The following NUP98 variants were observed in gnomAD, a reference collection of about 807,000 sequenced individuals.
The protein encoded by NUP98 is nucleoporin 98 and 96 precursor.
In NUP98, 26 loss-of-function variants were observed where a neutral mutation model predicts 191.9. The observed-to-expected ratio is 0.14, with a 90% CI of 0.10 to 0.19. NUP98 has a LOEUF of 0.19. NUP98 is among the 10% of genes least tolerant of loss of function. The pLI, the probability that NUP98 is intolerant of heterozygous loss-of-function variation, is 1.00. For synonymous variants in NUP98, 808 were observed against 778.4 expected, an observed-to-expected ratio of 1.04 and a Z score of -0.63; for missense variants, 1,941 against 2,178.8, an observed-to-expected ratio of 0.89 and a Z score of 2.17.
Position 3,739,881 on chromosome 11 carries a change from A to G in NUP98, c.1409-4557T>C, listed in dbSNP as rs143642682. Among the ~76,000 whole-genome samples, 37 of 152,238 alleles carry G rather than the reference A, an allele frequency of 2.4e-4. No homozygotes were observed. In the East Asian group the frequency reaches 6.9e-3, roughly 29 times the overall value. On this transcript the variant is annotated intron_variant, in intron 12 of 32. Coordinates refer to ENST00000324932, the MANE Select transcript of NUP98 (RefSeq NM_016320.5). ...TTATGTGTGGATTTCCTCCTCTGCC[A>G]CCCCTGAGAGAGCAAGACCAACACC...
Position 3,705,463 on chromosome 11 carries a change from T to C in NUP98, c.2926-107A>G, listed in dbSNP as rs976978693. On this transcript the variant is annotated intron_variant, in intron 21 of 32. Transcript: ENST00000324932. Reference sequence around the variant, plus strand: ...CAAAAATATTGTTCCTCCTCAAGGCTGTGTACAGAGCTAGTATATTTGTGT... The same window carrying C: ...CAAAAATATTGTTCCTCCTCAAGGCCGTGTACAGAGCTAGTATATTTGTGT... 11 of 1,053,156 alleles carry C rather than the reference T, an allele frequency of 1.0e-5. No individual in the cohort carries two copies. In the African/African-American group the frequency reaches 1.7e-4, roughly 17 times the overall value. The allele number at this position is 1,053,156 out of a possible 1,614,324, so 65.2% of individuals were successfully genotyped here.
intron 11 of NUP98, among the ~76,000 whole-genome samples, 180 bp downstream of exon 11, chr11:3,753,136 A>G (rs1322596811): frequency 1.3e-5 from 2 of 152,222 alleles, no homozygotes; most frequent in Non-Finnish European, 2.9e-5. Flanking sequence ...TAACACAAAC[A>G]TGCCAATATT....
chr11:3,748,090 G>T (rs1048927112), intron 11 of NUP98, among the ~76,000 whole-genome samples: 6 of 152,186 alleles, frequency 3.9e-5, no homozygotes, highest in Admixed American at 6.5e-5. Flanking sequence ...TTTGTTTATT[G>T]TGAGAGAGAA....
At chr11:3,696,467 ACTCCAGCCTGGGTGACAGACCAAGACT>A (rs1365230592) in intron 25 of NUP98, among the ~76,000 whole-genome samples, 1 of 151,722 alleles carries the variant, frequency 6.6e-6, no homozygotes, top group Non-Finnish European at 1.5e-5. Flanking sequence ...GCACTACTGC[ACTCCAGCCTGGGTGACAGACCAAGACT>A]CTGTCTTGGT....
rs1303562138 is a variant in NUP98 at position 3,786,631 on chromosome 11, C to T, written c.-28-4486G>A. ...TAGCCTTATAATACACCCAGTAGTCCAATCAATGGACAGACATATATTCTG... is the reference window on the plus strand; with the variant it reads ...TAGCCTTATAATACACCCAGTAGTCTAATCAATGGACAGACATATATTCTG... On this transcript the variant is annotated intron_variant, in intron 1 of 32. Transcript: ENST00000324932. 2.0e-5 allele frequency among the ~76,000 whole-genome samples: 3 copies of T among 152,140 alleles called. No homozygotes were observed. In the East Asian group the frequency reaches 5.8e-4, roughly 29 times the overall value.
intron 16 of NUP98, among the ~76,000 whole-genome samples, chr11:3,721,717 A>G (rs965807352): frequency 3.9e-5 from 6 of 152,170 alleles, no homozygotes; most frequent in African/African-American, 1.4e-4. Context: ...GGGAGGGAGG[A>G]AGGAAGAAAA....
chr11:3,677,350 A>G (rs2077846563), intron 31 of NUP98, among the ~76,000 whole-genome samples: 1 of 151,788 alleles, frequency 6.6e-6, no homozygotes, highest in Non-Finnish European at 1.5e-5. Context: ...ACATGGTGAC[A>G]TGTAGGGTAA....
At chr11:3,706,079 GA>G (rs2078850596) in intron 21 of NUP98, among the ~76,000 whole-genome samples, 1 of 151,788 alleles carries the variant, frequency 6.6e-6, no homozygotes, top group African/African-American at 2.4e-5. Flanking sequence ...TGGGGCAGGG[GA>G]ATCACTTGAA....
At chr11:3,775,062 A>G (rs1443506319) in intron 5 of NUP98, among the ~76,000 whole-genome samples, 2 of 152,212 alleles carry the variant, frequency 1.3e-5, no homozygotes, top group South Asian at 2.1e-4. Flanking sequence ...ATGTTTCTGT[A>G]AACAAAATCC....
At chr11:3,728,845 G>A (rs548325235) in intron 14 of NUP98, among the ~76,000 whole-genome samples, 2 of 152,310 alleles carry the variant, frequency 1.3e-5, no homozygotes, top group South Asian at 4.1e-4. Context: ...AGCAATGAAT[G>A]TGGTGAGAAC....
At position 3,725,085 on chromosome 11, in the gene NUP98, A is replaced by C; in HGVS notation, c.1847+18T>G. On this transcript the variant is annotated intron_variant, in intron 15 of 32. Coordinates refer to ENST00000324932, the MANE Select transcript of NUP98 (RefSeq NM_016320.5). ...ATAACTCTCTACTAAGAAGAACTCA[A>C]AACAGAATTCAGTGTACCTCTCTCC... is the stretch of plus-strand genomic sequence containing the variant. 8.8e-7 allele frequency: 1 copy of C among 1,136,262 alleles called. No homozygotes were observed. Among genetic ancestry groups the C allele is most frequent in the Non-Finnish European group, 1.3e-6 (1 of 754,748 alleles). The allele number at this position is 1,136,262 out of a possible 1,614,324, so 70.4% of individuals were successfully genotyped here. A position where few individuals can be genotyped will look rare whatever the true frequency, so the allele number is the denominator to read the frequency against.
chr11:3,726,990 G>T (rs966110134), intron 14 of NUP98, among the ~76,000 whole-genome samples: 1 of 151,934 alleles, frequency 6.6e-6, no homozygotes, highest in Non-Finnish European at 1.5e-5. Context: ...GGTCTCACTG[G>T]CCTCTCTAGT....
At chr11:3,710,301 T>G (rs896223295) in intron 20 of NUP98, among the ~76,000 whole-genome samples, 6 of 152,222 alleles carry the variant, frequency 3.9e-5, no homozygotes, top group African/African-American at 7.2e-5. Context: ...CTAAGGTTTA[T>G]CTGCCAACCA....
chr11:3,771,887 T>C lies in NUP98; in HGVS notation c.645A>G (p.Pro215=), dbSNP rs2081544684. 6 of 1,614,052 alleles carry C rather than the reference T, an allele frequency of 3.7e-6. No individual in the cohort carries two copies. The highest frequency in any genetic ancestry group is 5.1e-6 in the Non-Finnish European group (6 of 1,180,050). ...LEDYQANRKG[P]QNQVGAGTTT... ...TGGTACCTGCTCCCACCTGGTTCTG[T>C]GGGCCCTTCCTGTTAGCCTGATAAT... is the stretch of plus-strand genomic sequence containing the variant. The change falls in exon 7 of 33, where the codon CCA becomes CCG. Residue 215 remains proline (P), a synonymous_variant. Coordinates refer to ENST00000324932, the MANE Select transcript of NUP98 (RefSeq NM_016320.5).
At chr11:3,749,165 G>A (rs1354148557) in intron 11 of NUP98, among the ~76,000 whole-genome samples, 6 of 151,042 alleles carry the variant, frequency 4.0e-5, no homozygotes, top group Non-Finnish European at 8.8e-5. Flanking sequence ...AAAATTAGCC[G>A]GGCGCGGTGG....
intron 28 of NUP98, among the ~76,000 whole-genome samples, chr11:3,688,002 T>C (rs1010394463): frequency 4.6e-5 from 7 of 152,208 alleles, no homozygotes; most frequent in African/African-American, 1.7e-4. Context: ...AATGAAACAA[T>C]GAGAATTTCC....
intron 1 of NUP98, among the ~76,000 whole-genome samples, chr11:3,793,738 A>G (rs1368448354): frequency 1.3e-5 from 2 of 152,098 alleles, no homozygotes; most frequent in African/African-American, 4.8e-5. Context: ...TGGGAGGCCA[A>G]AGCGGGTGGA....
chr11:3,764,450 C>T (rs1330495902), intron 8 of NUP98, among the ~76,000 whole-genome samples: 1 of 152,164 alleles, frequency 6.6e-6, no homozygotes, highest in Non-Finnish European at 1.5e-5. Context: ...CGGTAAATCC[C>T]AAGATGTGCA....
At chr11:3,790,012 C>T (rs1293827540) in intron 1 of NUP98, among the ~76,000 whole-genome samples, 3 of 152,038 alleles carry the variant, frequency 2.0e-5, no homozygotes, top group Admixed American at 6.6e-5. Context: ...CTCGATCTTC[C>T]GACCTCGTGA....
Sources: allele counts gnomAD v4.1 joint callset (sites outside exome capture counted in the v4.1 genomes callset), GRCh38; gene constraint gnomAD v4.1.1; transcripts MANE v1.5; gene names NCBI Gene and HGNC (gene_info 2026-07-23, HGNC 2026-07-21).